PTPN4: variants seen among roughly 807,000 people sequenced by gnomAD.
PTPN4 encodes protein tyrosine phosphatase non-receptor type 4.
PTPN4 carries 49 observed loss-of-function variants against 135.5 expected under a neutral mutation model. The observed-to-expected ratio is 0.36, with a 90% CI of 0.29 to 0.46. The LOEUF (loss-of-function observed/expected upper bound fraction) is 0.46. PTPN4 is among the 20% of genes least tolerant of loss of function. PTPN4 has a pLI of 1.00. For synonymous variants in PTPN4, 333 were observed against 369.9 expected, an observed-to-expected ratio of 0.90 and a Z score of 1.14; for missense variants, 860 against 1,101.0, an observed-to-expected ratio of 0.78 and a Z score of 3.10.
intron 26 of PTPN4, among the ~76,000 whole-genome samples, chr2:119,974,792 G>A (rs1679589621): frequency 6.6e-6 from 1 of 152,192 alleles, no homozygotes; most frequent in Admixed American, 6.5e-5. Context: ...CTCTCAAAAT[G>A]ATAAATGGCA....
intron 12 of PTPN4, among the ~76,000 whole-genome samples, chr2:119,921,900 C>A (rs908365547): frequency 1.3e-5 from 2 of 152,130 alleles, no homozygotes; most frequent in Admixed American, 1.3e-4. Context: ...ACTACTCTTA[C>A]CCTCTGTTCA....
intron 18 of PTPN4, among the ~76,000 whole-genome samples, chr2:119,950,141 A>C (rs928262065): frequency 2.0e-5 from 3 of 152,192 alleles, no homozygotes; most frequent in Non-Finnish European, 2.9e-5. Context: ...TACACTATGC[A>C]CAAAATAATG....
Position 119,915,230 on chromosome 2 carries a change from TAGAAA to T in PTPN4, c.821_825del (p.Lys274IlefsTer3), listed in dbSNP as rs777513383. 1 of 1,540,766 alleles carries T rather than the reference TAGAAA, an allele frequency of 6.5e-7. No individual in the cohort carries two copies. Among genetic ancestry groups the T allele is most frequent in the Non-Finnish European group, 8.7e-7 (1 of 1,145,730 alleles). ...AGTGCAAACAGTTTTTTATTCAACT[TAGAAA>T]AGAATTGGTGAGTACGGATTTAATA... On this transcript the variant is annotated frameshift_variant, in exon 11 of 27. Transcript: ENST00000263708. LOFTEE classifies it high-confidence loss of function.
chr2:119,846,919 A>G (rs1232636138), intron 2 of PTPN4, among the ~76,000 whole-genome samples: 2 of 151,528 alleles, frequency 1.3e-5, no homozygotes, highest in African/African-American at 4.8e-5. Context: ...ATTCTTATAT[A>G]TACATATATT....
At chr2:119,828,623 C>T (rs1434558903) in intron 2 of PTPN4, among the ~76,000 whole-genome samples, 1 of 152,156 alleles carries the variant, frequency 6.6e-6, no homozygotes, top group Non-Finnish European at 1.5e-5. Context: ...AAACAGTTTT[C>T]CAAAGTGGCT....
chr2:119,784,243 C>T (rs1691001581), intron 1 of PTPN4, among the ~76,000 whole-genome samples: 1 of 151,520 alleles, frequency 6.6e-6, no homozygotes, highest in Non-Finnish European at 1.5e-5. Context: ...CCCCTCCTTC[C>T]CCAGAATCAA....
rs970166477 is a variant in PTPN4, at chr2:119,980,446, T to C, written c.*3376T>C. On this transcript the variant is annotated 3_prime_UTR_variant, in exon 27 of 27. Coordinates refer to ENST00000263708, the MANE Select transcript of PTPN4 (RefSeq NM_002830.4). ...GCTGAAAGGAACTTGAAAAATGTTA[T>C]CCAGTCTTCACTTAGCCCATTTTTA... The C allele has an allele frequency of 6.6e-6, 1 of 152,008 alleles. No individual in the cohort carries two copies. The highest frequency in any genetic ancestry group is 2.4e-5 in the African/African-American group (1 of 41,424). 9.4% of individuals were successfully genotyped at this position (152,008 alleles called of 1,614,324 possible).
chr2:119,926,106 A>G (rs1421763787), intron 12 of PTPN4, among the ~76,000 whole-genome samples: 3 of 152,206 alleles, frequency 2.0e-5, no homozygotes, highest in African/African-American at 7.2e-5. Context: ...ATATTTGTAT[A>G]TGGTTACATT....
intron 2 of PTPN4, among the ~76,000 whole-genome samples, chr2:119,855,813 T>A (rs1677668317): frequency 6.6e-6 from 1 of 150,666 alleles, no homozygotes. Context: ...TTTATTATTA[T>A]TTTTTTTTGA....
chr2:119,841,627 T>C (rs1677382964), intron 2 of PTPN4, among the ~76,000 whole-genome samples: 1 of 152,184 alleles, frequency 6.6e-6, no homozygotes, highest in South Asian at 2.1e-4. Context: ...CATTTTTAAT[T>C]ATCTTAGTCA....
At chr2:119,884,134 G>A (rs1412967205) in intron 8 of PTPN4, among the ~76,000 whole-genome samples, 4 of 152,328 alleles carry the variant, frequency 2.6e-5, no homozygotes, top group Admixed American at 1.3e-4. Flanking sequence ...TCCTGACCTC[G>A]TGATCCGCCT....
chr2:119,865,946 A>G (rs1403149826), intron 3 of PTPN4, among the ~76,000 whole-genome samples: 6 of 152,040 alleles, frequency 3.9e-5, no homozygotes, highest in African/African-American at 1.2e-4. Context: ...TTCCTTTAGA[A>G]TCTTCCCTGG....
chr2:119,817,654 C>T (rs545322735), intron 2 of PTPN4, among the ~76,000 whole-genome samples: 1 of 152,054 alleles, frequency 6.6e-6, no homozygotes, highest in Non-Finnish European at 1.5e-5. Context: ...TTGGGCTCTT[C>T]TTCGGCTTCA....
intron 14 of PTPN4, among the ~76,000 whole-genome samples, chr2:119,933,923 G>A: frequency 6.6e-6 from 1 of 152,086 alleles, no homozygotes; most frequent in East Asian, 1.9e-4. Context: ...AGAAAATTCA[G>A]ACCTTGTTTT....
intron 2 of PTPN4, among the ~76,000 whole-genome samples, chr2:119,849,378 T>C (rs1273829468): frequency 6.6e-6 from 1 of 152,146 alleles, no homozygotes. Flanking sequence ...CATGGTTCAC[T>C]GCAGCCTCAA....
chr2:119,932,435 A>G lies in PTPN4; in HGVS notation c.1082A>G (p.Lys361Arg). Residue 361 changes from lysine to arginine, a missense_variant, in exon 14 of 27, where the codon AAG (lysine) becomes AGG (arginine). By Grantham distance (26) the Lys-to-Arg change is conservative (BLOSUM62 2). Around this residue, in one of 2 missense-constraint regions of PTPN4, gnomAD observed 684 missense variants for 807.0 expected, o/e 0.85. Transcript: ENST00000263708. ...KDRVFARSPS[K>R]PLARKLMDWE... The stretch of plus-strand genomic sequence containing the variant: ...ATTTATTTCTGCAGATCCCCAAGTA[A>G]GCCCTTGGCACGGAAATTAATGGAT... 2 of 1,608,936 alleles carry G rather than the reference A, an allele frequency of 1.2e-6. No homozygotes were observed. Among genetic ancestry groups the G allele is most frequent in the Non-Finnish European group, 1.7e-6 (2 of 1,177,230 alleles).
intron 2 of PTPN4, among the ~76,000 whole-genome samples, chr2:119,814,216 T>C (rs1676953923): frequency 6.6e-6 from 1 of 152,176 alleles, no homozygotes. Context: ...AGGAAGGGAT[T>C]GGAGAGGACT....
intron 22 of PTPN4, among the ~76,000 whole-genome samples, chr2:119,959,288 A>G (rs1285620492): frequency 6.6e-6 from 1 of 152,220 alleles, no homozygotes. Context: ...AACACTTAGA[A>G]AAATAATATC....
At chr2:119,964,343 A>G (rs1013633785) in intron 24 of PTPN4, among the ~76,000 whole-genome samples, 1 of 152,210 alleles carries the variant, frequency 6.6e-6, no homozygotes, top group African/African-American at 2.4e-5. Flanking sequence ...TTGAACCAAG[A>G]TGTATCTAAA....
Sources: allele counts gnomAD v4.1 joint callset (sites outside exome capture counted in the v4.1 genomes callset), GRCh38; gene constraint gnomAD v4.1.1; regional missense constraint gnomAD v4.1.1; transcripts MANE v1.5; gene names NCBI Gene and HGNC (gene_info 2026-07-23, HGNC 2026-07-21).